Variants in NPEPPS observed in about 807,000 individuals in gnomAD.
NPEPPS encodes the protein puromycin-sensitive aminopeptidase.
In NPEPPS, 14 loss-of-function variants were observed where a neutral mutation model predicts 115.5. The observed-to-expected ratio is 0.12, with a 90% confidence interval of 0.08 to 0.19. The LOEUF (loss-of-function observed/expected upper bound fraction) is 0.19. NPEPPS is among the 10% of genes least tolerant of loss of function. The pLI, the probability that NPEPPS is intolerant of heterozygous loss-of-function variation, is 1.00. For synonymous variants in NPEPPS, 285 were observed against 390.6 expected, an observed-to-expected ratio of 0.73 and a Z score of 3.19; for missense variants, 523 against 1,110.8, an observed-to-expected ratio of 0.47 and a Z score of 7.52.
intron 1 of NPEPPS, among the ~76,000 whole-genome samples, chr17:47,538,162 G>C (rs1190047904): frequency 6.7e-6 from 1 of 148,678 alleles, no homozygotes; most frequent in East Asian, 2.0e-4. Context: ...CAAAGTGCTG[G>C]GATTACAAGT....
At chr17:47,523,996 C>CT (rs941370799) in intron 1 of NPEPPS, among the ~76,000 whole-genome samples, 583 of 139,144 alleles carry the variant, frequency 4.2e-3, no homozygotes, top group African/African-American at 0.013. Context: ...CTTTCTTAAA[C>CT]TTTTTTTTTT....
upstream of NPEPPS, among the ~76,000 whole-genome samples, chr17:47,529,737 T>TATATATATATA (rs59313546): frequency 1.6e-3 from 40 of 25,644 alleles, 6 homozygotes; most frequent in East Asian, 7.7e-3. Context: ...TTCAGTTACA[T>TATATATATATA]TATATATATA....
intron 2 of NPEPPS, among the ~76,000 whole-genome samples, chr17:47,564,822 G>A (rs1353730388): frequency 2.0e-5 from 3 of 151,808 alleles, no homozygotes; most frequent in Non-Finnish European, 4.4e-5. Context: ...CTTCTAAGAG[G>A]TTTGAGATAG....
In NPEPPS at chr17:47,596,446, A is replaced by T; in HGVS notation, c.1520A>T (p.Tyr507Phe). 1 of 1,581,728 alleles carries T rather than the reference A, an allele frequency of 6.3e-7. No individual in the cohort carries two copies. The highest frequency in any genetic ancestry group is 1.3e-5 in the African/African-American group (1 of 74,412). The change falls in exon 13 of 23, where the codon TAT becomes TTT. Residue 507 changes from tyrosine to phenylalanine, a missense_variant. Tyr to Phe is a conservative substitution (Grantham distance 22). Transcript: ENST00000322157. ...AAACAAATGGGATTTCCCCTCATTT[A>T]TGTGGAAGCTGAACAGGTAAACATA... ...WTKQMGFPLIYVEAEQVEDDR... is the reference protein window; with the variant it reads ...WTKQMGFPLIFVEAEQVEDDR...
chr17:47,556,791 A>G (rs1910071763), intron 2 of NPEPPS, among the ~76,000 whole-genome samples: 1 of 152,148 alleles, frequency 6.6e-6, no homozygotes, highest in Admixed American at 6.5e-5. Flanking sequence ...CTACAGATGT[A>G]GGCCACCACG....
intron 1 of NPEPPS, among the ~76,000 whole-genome samples, chr17:47,536,176 C>T (rs1432691216): frequency 1.3e-5 from 2 of 151,878 alleles, no homozygotes; most frequent in African/African-American, 2.4e-5. Context: ...GCCAGAGAAA[C>T]TAAGTTTATC....
chr17:47,560,590 G>A (rs1597837649), intron 2 of NPEPPS, among the ~76,000 whole-genome samples: 4 of 152,274 alleles, frequency 2.6e-5, no homozygotes, highest in African/African-American at 9.6e-5. Context: ...GCTTTGCAAA[G>A]TAAGTTCCTG....
chr17:47,557,141 T>A (rs1910105080), intron 2 of NPEPPS, among the ~76,000 whole-genome samples: 1 of 152,124 alleles, frequency 6.6e-6, no homozygotes, highest in Non-Finnish European at 1.5e-5. Context: ...TGCAGTGACG[T>A]GATCTTGGCT....
At chr17:47,602,279 G>T (rs1485477055) in intron 15 of NPEPPS, among the ~76,000 whole-genome samples, 3 of 151,914 alleles carry the variant, frequency 2.0e-5, no homozygotes, top group Non-Finnish European at 2.9e-5. Flanking sequence ...ACTCTTAATT[G>T]TATGTTCCTA....
intron 2 of NPEPPS, among the ~76,000 whole-genome samples, chr17:47,554,748 A>G (rs553881589): frequency 3.2e-3 from 490 of 152,312 alleles, no homozygotes; most frequent in African/African-American, 0.011. Flanking sequence ...CTTTGAGGCC[A>G]TTATTAAGTA....
chr17:47,542,273 G>GCCA (rs1185260540), intron 1 of NPEPPS, among the ~76,000 whole-genome samples: 1 of 152,102 alleles, frequency 6.6e-6, no homozygotes, highest in African/African-American at 2.4e-5. Flanking sequence ...CAGGCCAGGT[G>GCCA]CGGTGGCTCA....
intron 3 of NPEPPS, among the ~76,000 whole-genome samples, chr17:47,577,556 C>T (rs1464583000): frequency 6.6e-6 from 1 of 151,370 alleles, no homozygotes; most frequent in African/African-American, 2.4e-5. Context: ...ATATACTGTC[C>T]CAGTAACCTG....
chr17:47,612,017 G>C (rs1330248072), intron 17 of NPEPPS, among the ~76,000 whole-genome samples: 1 of 151,992 alleles, frequency 6.6e-6, no homozygotes, highest in Non-Finnish European at 1.5e-5. Flanking sequence ...TTGGCTATTT[G>C]TGTGTCTTGG....
chr17:47,563,144 G>C (rs1009932156), intron 2 of NPEPPS, among the ~76,000 whole-genome samples: 4 of 151,522 alleles, frequency 2.6e-5, no homozygotes, highest in Non-Finnish European at 4.4e-5. Flanking sequence ...CGATTCTCCT[G>C]CCTCAGCCTC....
intron 12 of NPEPPS, among the ~76,000 whole-genome samples, chr17:47,594,554 G>A (rs1912724512): frequency 6.6e-6 from 1 of 150,934 alleles, no homozygotes; most frequent in Admixed American, 6.6e-5. Flanking sequence ...GGGATTACAG[G>A]CATGTGCCAC....
intron 3 of NPEPPS, among the ~76,000 whole-genome samples, chr17:47,575,579 G>T (rs1911465080): frequency 7.4e-6 from 1 of 136,046 alleles, no homozygotes; most frequent in African/African-American, 2.9e-5. Flanking sequence ...TGACAATATT[G>T]AATTATTATT....
At chr17:47,572,774 A>AT (rs1276916009) in intron 3 of NPEPPS, among the ~76,000 whole-genome samples, 1 of 152,078 alleles carries the variant, frequency 6.6e-6, no homozygotes, top group African/African-American at 2.4e-5. Flanking sequence ...TGGGAAGAGG[A>AT]TTTTTTTATT....
At chr17:47,595,007 T>A (rs1489459823) in intron 12 of NPEPPS, among the ~76,000 whole-genome samples, 1 of 151,768 alleles carries the variant, frequency 6.6e-6, no homozygotes, top group Non-Finnish European at 1.5e-5. Context: ...TTGGCTTCGT[T>A]GCAACCTCCG....
At chr17:47,574,752 G>A (rs2143819102) in intron 3 of NPEPPS, among the ~76,000 whole-genome samples, 1 of 152,122 alleles carries the variant, frequency 6.6e-6, no homozygotes, top group African/African-American at 2.4e-5. Context: ...CACTGCATCT[G>A]GTTAATTTTT....
Sources: gnomAD v4.1 joint callset for allele counts (sites outside exome capture counted in the v4.1 genomes callset) on GRCh38, gnomAD v4.1.1 for gene constraint, MANE v1.5 for transcripts, NCBI Gene and HGNC (gene_info 2026-07-23, HGNC 2026-07-21) for gene names.